The following ZNF888 variants were observed in gnomAD, a reference collection of about 807,000 sequenced individuals.
ZNF888 encodes the protein CTD-2331H12.6.
Under a neutral mutation model 7.2 loss-of-function variants are expected in ZNF888, and 5 were observed. The ratio of observed to expected loss-of-function variants is 0.70; its 90% CI spans 0.36 to 1.46. The LOEUF (loss-of-function observed/expected upper bound fraction) is 1.46, where lower values mean the gene tolerates loss of function less well. ZNF888 is among the 40% of genes most tolerant of loss of function. ZNF888 has a pLI of 0.03. For missense variants in ZNF888, 716 were observed against 858.0 expected (o/e 0.83, Z 2.07); for synonymous variants, 240 against 284.3 (o/e 0.84, Z 1.57).
At chr19:52,910,979 C>A (rs2064671165) in intron 4 of ZNF888, among the ~76,000 whole-genome samples, 2 of 151,990 alleles carry the variant, frequency 1.3e-5, no homozygotes, top group African/African-American at 4.8e-5. Flanking sequence ...CTCCTGGGTT[C>A]AAGTGATTCT....
At position 52,908,143 on chromosome 19, in the gene ZNF888, A is replaced by G. The variant is rs778522748; in HGVS notation, c.179T>C (p.Ile60Thr). The change falls in exon 5 of 5, where the codon ATA becomes ACA. Residue 60 changes from isoleucine (I) to threonine (T), a missense_variant. By Grantham distance (89) the Ile-to-Thr change is moderately conservative (BLOSUM62 -1). Transcript: ENST00000638862. Reference protein sequence around the residue: ...SSKCMMEFSSIGKGNTEVIHT... With the variant: ...SSKCMMEFSSTGKGNTEVIHT... ...GATCACTTCTGTATTGCCTTTCCCT[A>G]TTGATGAGAACTCCATCATGCATTT... 3.1e-6 allele frequency: 5 copies of G among 1,613,988 alleles called. No homozygotes were observed. In the African/African-American group the frequency reaches 4.0e-5, roughly 13 times the overall value.
intron 1 of ZNF888, chr19:52,921,739 C>T: frequency 5.8e-6 from 4 of 690,210 alleles, no homozygotes; most frequent in Non-Finnish European, 7.1e-6. Context: ...ACCAGCCTGA[C>T]CTACATGGAG....
rs191751021 is a variant in ZNF888 at position 52,908,923 on chromosome 19, G to A, written c.143-744C>T. On this transcript the variant is annotated intron_variant, in intron 4 of 4. Coordinates refer to ENST00000638862, the MANE Select transcript of ZNF888 (RefSeq NM_001393938.1). The stretch of plus-strand genomic sequence containing the variant: ...CTACTTTGGGAGGCCGAGGCAGGTG[G>A]ATCTCCTCAGATCAGGAGTATGACC... 1.4e-4 allele frequency among the ~76,000 whole-genome samples: 21 copies of A among 151,048 alleles called. No individual in the cohort carries two copies. The East Asian group carries it at 3.4e-3, about 24-fold the overall frequency.
rs1600688922 is a variant in ZNF888, at chr19:52,918,242, C to A, written c.-58-311G>T. ...CGGTGGCTCATGCCTATCATCCCAG[C>A]ACTCTCGGAGACCAAGGTAGGTACA... On this transcript the variant is annotated intron_variant, in intron 2 of 4. Transcript: ENST00000638862. 4.1e-6 allele frequency: 4 copies of A among 982,464 alleles called. No individual in the cohort carries two copies. The African/African-American group carries it at 5.2e-5, about 13-fold the overall frequency. 60.9% of individuals were successfully genotyped at this position (982,464 alleles called of 1,614,324 possible).
At position 52,907,775 on chromosome 19, in the gene ZNF888, G is replaced by A; in HGVS notation, c.547C>T (p.Pro183Ser). 12 of 1,614,064 alleles carry A rather than the reference G, an allele frequency of 7.4e-6. No homozygotes were observed. The South Asian group carries it at 1.3e-4, about 18-fold the overall frequency. ...TAGTTATTAGAAATATGGGTTTTGG[G>A]CCTACAAGAAATTCTTTGGGATGTT... is the stretch of plus-strand genomic sequence containing the variant. ...VSTSQRISCRPKTHISNNYGN... is the reference protein window; with the variant it reads ...VSTSQRISCRSKTHISNNYGN... The change falls in exon 5 of 5, where the codon CCC (proline) becomes TCC (serine). Residue 183 changes from proline (P) to serine (S), a missense_variant. Transcript: ENST00000638862.
chr19:52,906,940 G>A lies in ZNF888; in HGVS notation c.1382C>T (p.Thr461Ile). Residue 461 changes from threonine to isoleucine, a missense_variant, in exon 5 of 5, where the codon ACT (threonine) becomes ATT (isoleucine). This residue lies in a region of ZNF888 where 697 missense variants were observed against 803.4 expected (regional missense o/e 0.87). Transcript: ENST00000638862. ...SNLARHHRLHTGEKPYKCKEC... is the reference protein window; with the variant it reads ...SNLARHHRLHIGEKPYKCKEC... ...TTTACATTTGTAAGGTTTCTCTCCA[G>A]TATGAAGTCTATGATGACGTGCAAG... 1.2e-6 allele frequency: 2 copies of A among 1,613,038 alleles called. No homozygotes were observed. The highest frequency in any genetic ancestry group is 1.7e-6 in the Non-Finnish European group (2 of 1,179,512).
At chr19:52,916,540 G>T (rs975466587) in intron 3 of ZNF888, among the ~76,000 whole-genome samples, 1 of 149,972 alleles carries the variant, frequency 6.7e-6, no homozygotes, top group African/African-American at 2.5e-5. Context: ...GTGTGTATAT[G>T]TGTGGGGATG....
intron 4 of ZNF888, among the ~76,000 whole-genome samples, chr19:52,911,139 A>C (rs1016473360): frequency 6.6e-6 from 1 of 151,992 alleles, no homozygotes; most frequent in Admixed American, 6.6e-5. Context: ...TCAGCCTCCC[A>C]AAGTGCTGGA....
chr19:52,911,616 GCGTGAGCCAC>G (rs1310474373), intron 4 of ZNF888, among the ~76,000 whole-genome samples: 1 of 151,980 alleles, frequency 6.6e-6, no homozygotes. Flanking sequence ...GGGATTACAG[GCGTGAGCCAC>G]CGTGCCCAGC....
In ZNF888 at chr19:52,919,379, C is replaced by T. The variant is rs1367004892; in HGVS notation, c.-177-442G>A. Among the ~76,000 whole-genome samples, 6 of 68,126 alleles carry T rather than the reference C, an allele frequency of 8.8e-5. 3 individuals carry two copies. The highest frequency in any genetic ancestry group is 2.1e-4 in the Non-Finnish European group (6 of 28,682). The allele number at this position is 68,126 out of a possible 152,430, so 44.7% of individuals were successfully genotyped here. ...GGAGACGGGGTTTCGCTGTGTTGGC[C>T]GGGCTGGTCTCCAGCTCCTAACCGC... On this transcript the variant is annotated intron_variant, in intron 1 of 4. Coordinates refer to ENST00000638862, the MANE Select transcript of ZNF888 (RefSeq NM_001393938.1).
rs1187784129 is a variant in ZNF888, at chr19:52,906,631, C to G, written c.1691G>C (p.Ser564Thr). Residue 564 changes from serine (S) to threonine (T), a missense_variant, in exon 5 of 5, where the codon AGC becomes ACC. Around this residue, in one of 2 missense-constraint regions of ZNF888, gnomAD observed 697 missense variants for 803.4 expected, o/e 0.87. Transcript: ENST00000638862. Reference protein sequence around the residue: ...ECGKSFNHKSSLAYHHRLHTG... With the variant: ...ECGKSFNHKSTLAYHHRLHTG... ...ATGAAGTCTATGATGATATGCAAGG[C>G]TTGATTTGTGATTAAAACTTTTGCC... 9 of 1,612,068 alleles carry G rather than the reference C, an allele frequency of 5.6e-6. No homozygotes were observed. In the Admixed American group the frequency reaches 1.5e-4, roughly 27 times the overall value.
chr19:52,905,643 T>G lies in ZNF888; in HGVS notation c.*522A>C. On this transcript the variant is annotated 3_prime_UTR_variant, in exon 5 of 5. Coordinates refer to ENST00000638862, the MANE Select transcript of ZNF888 (RefSeq NM_001393938.1). ...TCCTCTTAACATAAACACTTTAATG[T>G]CAATTAATGCTTGAACTCAACGTTA... 1 of 395,796 alleles carries G rather than the reference T, an allele frequency of 2.5e-6. No homozygotes were observed. Among genetic ancestry groups the G allele is most frequent in the South Asian group, 2.0e-5 (1 of 48,922 alleles). The allele number at this position is 395,796 out of a possible 1,614,324, so 24.5% of individuals were successfully genotyped here. A position where few individuals can be genotyped will look rare whatever the true frequency, so the allele number is the denominator to read the frequency against.
At chr19:52,918,628 G>A (rs1373316152) in intron 2 of ZNF888, among the ~76,000 whole-genome samples, 191 bp downstream of exon 2, 1 of 152,072 alleles carries the variant, frequency 6.6e-6, no homozygotes, top group African/African-American at 2.4e-5. Flanking sequence ...AAGTAGCCAG[G>A]CTTTGTGGGC....
intron 1 of ZNF888, chr19:52,921,702 T>C: frequency 1.0e-6 from 1 of 965,502 alleles, no homozygotes. Flanking sequence ...CCGAGGTAGG[T>C]GGATCACCTG....
chr19:52,909,595 C>A (rs185624670), intron 4 of ZNF888, among the ~76,000 whole-genome samples: 1 of 151,934 alleles, frequency 6.6e-6, no homozygotes, highest in Non-Finnish European at 1.5e-5. Flanking sequence ...TTGCATACCA[C>A]GTACCAAAAA....
intron 3 of ZNF888, among the ~76,000 whole-genome samples, chr19:52,917,655 T>C (rs539629428): frequency 9.7e-4 from 147 of 152,258 alleles, no homozygotes; most frequent in African/African-American, 3.0e-3. Context: ...GGACCATGCC[T>C]ACTGCAACCT....
At chr19:52,922,429 C>G (rs1364344674) in intron 1 of ZNF888, among the ~76,000 whole-genome samples, 1 of 151,862 alleles carries the variant, frequency 6.6e-6, no homozygotes, top group African/African-American at 2.4e-5. Flanking sequence ...CTCCAAATCC[C>G]TCCTCCTCTC....
chr19:52,922,752 G>A (rs998411786), intron 1 of ZNF888, among the ~76,000 whole-genome samples: 1 of 152,160 alleles, frequency 6.6e-6, no homozygotes, highest in Non-Finnish European at 1.5e-5. Flanking sequence ...TAAGACGCCT[G>A]CATCCCAGAG....
At chr19:52,912,165 G>A (rs142256609) in intron 4 of ZNF888, among the ~76,000 whole-genome samples, 46,460 of 146,400 alleles carry the variant, frequency 0.32, 8,978 homozygotes, top group Non-Finnish European at 0.44. Context: ...CCAGGCTGGA[G>A]TGTCGTGGCA....
Sources: gnomAD v4.1 joint callset for allele counts (sites outside exome capture counted in the v4.1 genomes callset) on GRCh38, gnomAD v4.1.1 for gene constraint, gnomAD v4.1.1 regional missense constraint, MANE v1.5 for transcripts, NCBI Gene and HGNC (gene_info 2026-07-23, HGNC 2026-07-21) for gene names.